The following OSBPL8 variants were observed in gnomAD, a reference collection of about 807,000 sequenced individuals.
OSBPL8 encodes oxysterol binding protein like 8.
In OSBPL8, 59 loss-of-function variants were observed where a neutral mutation model predicts 125.5. The observed-to-expected ratio is 0.47, with a 90% CI of 0.38 to 0.58. The LOEUF is 0.58. Among genes scored for constraint, OSBPL8 ranks in the 20% least tolerant of loss-of-function variants. OSBPL8 has a pLI of 0.00. For synonymous variants in OSBPL8, 330 were observed against 338.9 expected (o/e 0.97, Z 0.29); for missense variants, 758 against 1,047.8 (o/e 0.72, Z 3.82).
In OSBPL8 at chr12:76,390,378, G is replaced by C. The variant is rs768257020; in HGVS notation, c.1167+42C>G. The C allele has an allele frequency of 2.1e-5, 29 of 1,365,608 alleles. 1 individual carries two copies. In the East Asian group the frequency reaches 6.3e-4, roughly 29 times the overall value. The allele number at this position is 1,365,608 out of a possible 1,614,324, so 84.6% of individuals were successfully genotyped here. The stretch of plus-strand genomic sequence containing the variant: ...TTCAATTTCATTTAAGAATTCCCAA[G>C]AATATGAAAATCCAGAACCTCTAAA... On this transcript the variant is annotated intron_variant, in intron 11 of 23. Coordinates refer to ENST00000261183, the MANE Select transcript of OSBPL8 (RefSeq NM_020841.5).
intron 3 of OSBPL8, among the ~76,000 whole-genome samples, chr12:76,453,786 G>A (rs1038622871): frequency 1.1e-4 from 17 of 151,994 alleles, no homozygotes; most frequent in Non-Finnish European, 1.9e-4. Flanking sequence ...TAAGATATTT[G>A]CAACACCCAT....
chr12:76,387,620 C>G (rs1321743427), intron 12 of OSBPL8, among the ~76,000 whole-genome samples: 1 of 152,132 alleles, frequency 6.6e-6, no homozygotes, highest in Non-Finnish European at 1.5e-5. Flanking sequence ...AATGTAGCTA[C>G]TATGCCCTTA....
In OSBPL8 at chr12:76,386,503, A is replaced by G. The variant is rs1309373788; in HGVS notation, c.1434+76T>C. The stretch of plus-strand genomic sequence containing the variant: ...AGCCCAGTAATGTAACTGTTAACAC[A>G]CAATCTACAGATTACATAAAATATA... On this transcript the variant is annotated intron_variant, in intron 13 of 23. Transcript: ENST00000261183. 7 of 1,395,588 alleles carry G rather than the reference A, an allele frequency of 5.0e-6. No homozygotes were observed. In the East Asian group the frequency reaches 1.4e-4, roughly 28 times the overall value. The allele number at this position is 1,395,588 out of a possible 1,614,324, so 86.5% of individuals were successfully genotyped here.
In OSBPL8 at chr12:76,505,186, T is replaced by C. The variant is rs553263847; in HGVS notation, c.-67-17568A>G. On this transcript the variant is annotated intron_variant, in intron 1 of 23. Transcript: ENST00000261183. Reference sequence around the variant, plus strand: ...CCTGTGTTGATAAATTGGGTTCATCTGGGCAGCTGGCAAGAAGAACCCATT... The same window carrying C: ...CCTGTGTTGATAAATTGGGTTCATCCGGGCAGCTGGCAAGAAGAACCCATT... Among the ~76,000 whole-genome samples, 305 of 152,304 alleles carry C rather than the reference T, an allele frequency of 2.0e-3. 2 individuals are homozygous for C. Among genetic ancestry groups the C allele is most frequent in the African/African-American group, 7.0e-3 (290 of 41,560 alleles).
chr12:76,529,755 TAG>T (rs1426520670), intron 1 of OSBPL8, among the ~76,000 whole-genome samples: 8 of 152,138 alleles, frequency 5.3e-5, no homozygotes, highest in African/African-American at 1.9e-4. Flanking sequence ...CTAGAGACAG[TAG>T]AGTCTGGATT....
chr12:76,393,518 G>A (rs1003471125), intron 9 of OSBPL8, among the ~76,000 whole-genome samples: 8 of 150,944 alleles, frequency 5.3e-5, no homozygotes, highest in African/African-American at 2.0e-4. Context: ...AGACCATCCT[G>A]GCTAACACAG....
chr12:76,487,848 T>C (rs75106002), intron 1 of OSBPL8, among the ~76,000 whole-genome samples: 12,429 of 152,164 alleles, frequency 0.082, 650 homozygotes, highest in Admixed American at 0.12. Flanking sequence ...AGGTTAAACA[T>C]GAGACTGCCT....
intron 4 of OSBPL8, among the ~76,000 whole-genome samples, chr12:76,412,152 T>C (rs1565875683): frequency 6.6e-6 from 1 of 152,132 alleles, no homozygotes; most frequent in Admixed American, 6.5e-5. Context: ...GAATTCATTA[T>C]AGTATGGTCA....
chr12:76,502,311 C>G (rs576213031), intron 1 of OSBPL8, among the ~76,000 whole-genome samples: 1 of 152,182 alleles, frequency 6.6e-6, no homozygotes, highest in Non-Finnish European at 1.5e-5. Flanking sequence ...CATAACCCTA[C>G]GCTTTGCCAG....
intron 1 of OSBPL8, among the ~76,000 whole-genome samples, chr12:76,554,383 T>A (rs1951035709): frequency 6.6e-6 from 1 of 152,156 alleles, no homozygotes; most frequent in Non-Finnish European, 1.5e-5. Context: ...TACAAGGCAG[T>A]ATATAATATG....
chr12:76,517,380 TA>T (rs1206610043), intron 1 of OSBPL8, among the ~76,000 whole-genome samples: 4 of 152,194 alleles, frequency 2.6e-5, no homozygotes, highest in African/African-American at 7.2e-5. Context: ...ATTATAAAGA[TA>T]AACTAATAGT....
intron 4 of OSBPL8, among the ~76,000 whole-genome samples, 155 bp downstream of exon 4, chr12:76,450,696 T>G (rs1307057901): frequency 2.0e-5 from 3 of 151,992 alleles, no homozygotes; most frequent in African/African-American, 7.3e-5. Context: ...TTCAAGAGTA[T>G]TATAGATGAC....
At chr12:76,460,396 A>G (rs753997680) in intron 2 of OSBPL8, among the ~76,000 whole-genome samples, 1 of 151,976 alleles carries the variant, frequency 6.6e-6, no homozygotes, top group Non-Finnish European at 1.5e-5. Flanking sequence ...TCTACAAAAG[A>G]GTAAGGAACA....
chr12:76,457,555 A>AGTGGACTCGTGTAGTTAAAAGTT (rs1874210627), intron 3 of OSBPL8, among the ~76,000 whole-genome samples: 1 of 152,170 alleles, frequency 6.6e-6, no homozygotes, highest in Non-Finnish European at 1.5e-5. Flanking sequence ...TACACATAGA[A>AGTGGACTCGTGTAGTTAAAAGTT]GTGGACTCGT....
chr12:76,520,101 C>T (rs1881926320), intron 1 of OSBPL8, among the ~76,000 whole-genome samples: 1 of 152,128 alleles, frequency 6.6e-6, no homozygotes, highest in Non-Finnish European at 1.5e-5. Context: ...GAATAAAAGG[C>T]TACAAAACCC....
intron 1 of OSBPL8, among the ~76,000 whole-genome samples, chr12:76,502,745 C>G (rs2137125595): frequency 6.6e-6 from 1 of 152,222 alleles, no homozygotes; most frequent in African/African-American, 2.4e-5. Flanking sequence ...AAGCCATGAC[C>G]AGTTGAGGTA....
At chr12:76,515,572 G>C (rs1565961169) in intron 1 of OSBPL8, among the ~76,000 whole-genome samples, 2 of 152,138 alleles carry the variant, frequency 1.3e-5, no homozygotes, top group African/African-American at 4.8e-5. Flanking sequence ...TGAAAGTATA[G>C]GTATAGATTC....
At chr12:76,523,403 A>G (rs1467265010) in intron 1 of OSBPL8, among the ~76,000 whole-genome samples, 2 of 152,216 alleles carry the variant, frequency 1.3e-5, no homozygotes, top group African/African-American at 4.8e-5. Flanking sequence ...GGGAAAATTT[A>G]GAGCACTTAA....
intron 1 of OSBPL8, among the ~76,000 whole-genome samples, chr12:76,535,997 TATGTACTTAAA>T (rs1950485533): frequency 6.6e-6 from 1 of 152,176 alleles, no homozygotes; most frequent in Non-Finnish European, 1.5e-5. Context: ...TGAATCAAAC[TATGTACTTAAA>T]ATGGTTTCAT....
Sources: gnomAD v4.1 joint callset for allele counts (sites outside exome capture counted in the v4.1 genomes callset) on GRCh38, gnomAD v4.1.1 for gene constraint, MANE v1.5 for transcripts, NCBI Gene and HGNC (gene_info 2026-07-23, HGNC 2026-07-21) for gene names.